The following SUGCT variants were observed in gnomAD, a reference collection of about 807,000 sequenced individuals.
SUGCT encodes the protein succinyl-CoA:glutarate CoA-transferase.
A neutral mutation model predicts 55.0 loss-of-function variants in SUGCT; 41 were observed. The observed-to-expected ratio is 0.74, with a 90% CI of 0.58 to 0.97. The LOEUF is 0.97. Ranked by LOEUF, SUGCT falls within the 50% of genes least tolerant of loss-of-function variation. The pLI, the probability that SUGCT is intolerant of heterozygous loss-of-function variation, is 0.00. For missense variants in SUGCT, 568 were observed against 547.8 expected, an observed-to-expected ratio of 1.04 and a Z score of -0.37; for synonymous variants, 187 against 200.4, an observed-to-expected ratio of 0.93 and a Z score of 0.56.
intron 12 of SUGCT, among the ~76,000 whole-genome samples, chr7:40,497,606 G>A (rs1417870468): frequency 6.6e-6 from 1 of 152,196 alleles, no homozygotes; most frequent in African/African-American, 2.4e-5. Flanking sequence ...TTACAAGGAG[G>A]TAGCATTGTG....
At chr7:40,945,171 C>T in the SUGCT span, among the ~76,000 whole-genome samples, 3 of 152,002 alleles carry the variant, frequency 2.0e-5, no homozygotes, top group Non-Finnish European at 2.9e-5. Context: ...CAAGTTTTGA[C>T]AGAGGCAGCT....
At chr7:40,714,460 C>CTA (rs1785905658) in intron 12 of SUGCT, among the ~76,000 whole-genome samples, 1 of 152,024 alleles carries the variant, frequency 6.6e-6, no homozygotes, top group African/African-American at 2.4e-5. Context: ...AAAAAGAGAG[C>CTA]TATGGTTCTG....
chr7:40,924,423 T>C, the SUGCT span, among the ~76,000 whole-genome samples: 1 of 152,148 alleles, frequency 6.6e-6, no homozygotes. Flanking sequence ...ATAATTTTTG[T>C]ATTTTTAGTA....
intron 12 of SUGCT, among the ~76,000 whole-genome samples, chr7:40,684,670 T>A (rs1784392675): frequency 6.6e-6 from 1 of 152,200 alleles, no homozygotes; most frequent in African/African-American, 2.4e-5. Flanking sequence ...GATTTAGCTC[T>A]CTTGTTCCAT....
At chr7:40,756,063 G>T (rs1788237835) in intron 13 of SUGCT, among the ~76,000 whole-genome samples, 1 of 152,132 alleles carries the variant, frequency 6.6e-6, no homozygotes, top group African/African-American at 2.4e-5. Context: ...AGGTGAATTT[G>T]TATAAAGTTG....
chr7:40,648,230 C>A (rs1052850572), intron 12 of SUGCT, among the ~76,000 whole-genome samples: 13 of 152,090 alleles, frequency 8.5e-5, no homozygotes, highest in Admixed American at 2.0e-4. Flanking sequence ...TATATACATA[C>A]ATAATTAGCA....
chr7:41,021,043 C>G, the SUGCT span, among the ~76,000 whole-genome samples: 1 of 152,300 alleles, frequency 6.6e-6, no homozygotes, highest in East Asian at 1.9e-4. Context: ...ATTGAATTAC[C>G]CACTCCGTGA....
At chr7:40,139,127 AAAATAAATAAATAAATAAATAAAT>A (rs56301316) in intron 1 of SUGCT, among the ~76,000 whole-genome samples, 4 of 140,492 alleles carry the variant, frequency 2.8e-5, no homozygotes, top group Non-Finnish European at 4.6e-5. Flanking sequence ...CTCTGGCTCA[AAAATAAATAAATAAATAAATAAAT>A]AAATAAATAA....
chr7:40,422,411 A>C (rs1787357545), intron 9 of SUGCT, among the ~76,000 whole-genome samples: 1 of 152,154 alleles, frequency 6.6e-6, no homozygotes, highest in Non-Finnish European at 1.5e-5. Context: ...ATCTTGTATA[A>C]AAATTTTCTT....
chr7:40,662,588 A>G (rs1171526353), intron 12 of SUGCT, among the ~76,000 whole-genome samples: 1 of 152,148 alleles, frequency 6.6e-6, no homozygotes, highest in East Asian at 1.9e-4. Context: ...GAAACATTGC[A>G]CATAACTATT....
chr7:40,904,823 A>C, the SUGCT span, among the ~76,000 whole-genome samples: 1 of 152,140 alleles, frequency 6.6e-6, no homozygotes, highest in Non-Finnish European at 1.5e-5. Flanking sequence ...TGTGTGTGTA[A>C]AACAATCCCT....
intron 12 of SUGCT, among the ~76,000 whole-genome samples, chr7:40,718,098 T>C (rs1174817041): frequency 6.6e-6 from 1 of 152,222 alleles, no homozygotes; most frequent in East Asian, 1.9e-4. Flanking sequence ...GAAACTGTGC[T>C]CTTGATTTTG....
intron 9 of SUGCT, among the ~76,000 whole-genome samples, chr7:40,371,702 C>G (rs1784300797): frequency 7.2e-6 from 1 of 139,424 alleles, no homozygotes; most frequent in Non-Finnish European, 1.6e-5. Context: ...TCATTAAAGA[C>G]TTTTGGTATT....
intron 12 of SUGCT, among the ~76,000 whole-genome samples, chr7:40,549,136 C>T (rs572835161): frequency 1.3e-5 from 2 of 152,222 alleles, no homozygotes; most frequent in Middle Eastern, 3.4e-3. Flanking sequence ...CTATTTCCCA[C>T]CCTATTCTTT....
intron 9 of SUGCT, among the ~76,000 whole-genome samples, chr7:40,319,653 A>G (rs985135562): frequency 4.6e-5 from 7 of 152,216 alleles, no homozygotes; most frequent in African/African-American, 1.4e-4. Flanking sequence ...ATAAGCATGC[A>G]GTTCTTAACT....
At chr7:40,485,005 T>C (rs1376105615) in intron 11 of SUGCT, among the ~76,000 whole-genome samples, 1 of 152,172 alleles carries the variant, frequency 6.6e-6, no homozygotes, top group Non-Finnish European at 1.5e-5. Flanking sequence ...AAAGTGAACA[T>C]AATGATGGTA....
At chr7:40,139,788 G>A (rs1463384710) in intron 1 of SUGCT, among the ~76,000 whole-genome samples, 2 of 152,120 alleles carry the variant, frequency 1.3e-5, no homozygotes, top group Non-Finnish European at 2.9e-5. Context: ...TGAGGTCTCA[G>A]TCATGAATTC....
chr7:40,566,367 T>G (rs1171691112), intron 12 of SUGCT, among the ~76,000 whole-genome samples: 1 of 152,238 alleles, frequency 6.6e-6, no homozygotes. Flanking sequence ...ATGGTGTTAA[T>G]GTGTTCCTGA....
chr7:40,973,690 AC>A, the SUGCT span, among the ~76,000 whole-genome samples: 2 of 152,182 alleles, frequency 1.3e-5, no homozygotes, highest in Admixed American at 1.3e-4. Flanking sequence ...TCATCATAGA[AC>A]TTTCCTATAA....
Sources: gnomAD v4.1 joint callset for allele counts (sites outside exome capture counted in the v4.1 genomes callset) on GRCh38, gnomAD v4.1.1 for gene constraint, MANE v1.5 for transcripts, NCBI Gene and HGNC (gene_info 2026-07-23, HGNC 2026-07-21) for gene names.